The following ALDH3A2 variants were observed in gnomAD, a reference collection of about 807,000 sequenced individuals.
The protein encoded by ALDH3A2 is aldehyde dehydrogenase family 3 member A2.
ALDH3A2 carries 36 observed loss-of-function variants against 51.3 expected under a neutral mutation model. That is an observed-to-expected ratio of 0.70 (90% CI 0.54 to 0.93). The LOEUF (loss-of-function observed/expected upper bound fraction) is 0.93. Among genes scored for constraint, ALDH3A2 ranks in the 40% least tolerant of loss-of-function variants. ALDH3A2 has a pLI of 0.00. For synonymous variants in ALDH3A2, 199 were observed against 219.8 expected (o/e 0.91, Z 0.84); for missense variants, 552 against 603.1 (o/e 0.92, Z 0.89).
rs143717984 is a variant in ALDH3A2, at chr17:19,663,370, G to A, written c.978G>A (p.Lys326=). The A allele has an allele frequency of 2.5e-6, 4 of 1,614,006 alleles. No homozygotes were observed. The highest frequency in any genetic ancestry group is 1.3e-5 in the African/African-American group (1 of 74,914). The change falls in exon 7 of 10, where the codon AAG becomes AAA. Residue 326 remains lysine, a synonymous_variant. Coordinates refer to ENST00000176643, the MANE Select transcript of ALDH3A2 (RefSeq NM_000382.3). ...TVLTDVDPKT[K]VMQEEIFGPI... ...TTACCGATGTTGATCCTAAAACCAAGGTGATGCAAGAAGAAATTTTTGGAC... is the reference window on the plus strand; with the variant it reads ...TTACCGATGTTGATCCTAAAACCAAAGTGATGCAAGAAGAAATTTTTGGAC...
At chr17:19,656,612 C>A in intron 4 of ALDH3A2, 38 bp downstream of exon 4, 1 of 1,547,520 alleles carries the variant, frequency 6.5e-7, no homozygotes, top group Non-Finnish European at 8.8e-7. Flanking sequence ...GTTTTCCCAG[C>A]ACAATGGAGA....
intron 1 of ALDH3A2, among the ~76,000 whole-genome samples, chr17:19,650,733 G>A (rs780999416): frequency 1.3e-4 from 20 of 152,128 alleles, no homozygotes; most frequent in Non-Finnish European, 2.8e-4. Context: ...GATTATAGAC[G>A]TGAGCCACCG....
intron 8 of ALDH3A2, among the ~76,000 whole-genome samples, chr17:19,665,411 T>TG (rs1229698148): frequency 1.4e-5 from 2 of 144,280 alleles, no homozygotes; most frequent in South Asian, 4.3e-4. Context: ...GTGTGTGTGG[T>TG]GTGTGTGTTT....
Position 19,668,581 on chromosome 17 carries a change from G to A in ALDH3A2, c.1208-3140G>A, listed in dbSNP as rs192511973. 5.3e-5 allele frequency among the ~76,000 whole-genome samples: 8 copies of A among 151,176 alleles called. No homozygotes were observed. The East Asian group carries it at 1.6e-3, about 30-fold the overall frequency. On this transcript the variant is annotated intron_variant, in intron 8 of 9. Coordinates refer to ENST00000176643, the MANE Select transcript of ALDH3A2 (RefSeq NM_000382.3). Reference sequence around the variant, plus strand: ...TGTGGCTTTTTGTTTTTTGGTTTCCGATTTGGAAAGTAGGCTTAGAAAAGC... The same window carrying A: ...TGTGGCTTTTTGTTTTTTGGTTTCCAATTTGGAAAGTAGGCTTAGAAAAGC...
chr17:19,661,588 A>G, intron 6 of ALDH3A2: 2 of 330,242 alleles, frequency 6.1e-6, no homozygotes, highest in Middle Eastern at 9.8e-4. Context: ...AAAACAGCAC[A>G]AAGAAGGAAA....
intron 8 of ALDH3A2, among the ~76,000 whole-genome samples, chr17:19,668,605 GCT>G (rs2085070702): frequency 1.3e-5 from 2 of 149,502 alleles, no homozygotes; most frequent in Non-Finnish European, 3.0e-5. Flanking sequence ...GCTTAGAAAA[GCT>G]TTCCCTATTT....
intron 8 of ALDH3A2, among the ~76,000 whole-genome samples, chr17:19,667,432 G>A (rs1249384773): frequency 6.6e-6 from 1 of 151,806 alleles, no homozygotes; most frequent in Non-Finnish European, 1.5e-5. Context: ...CTGTTAAAAG[G>A]GCTTATACAA....
upstream of ALDH3A2, chr17:19,648,507 C>G (rs956876370): frequency 6.3e-6 from 1 of 158,068 alleles, no homozygotes; most frequent in East Asian, 1.9e-4. Context: ...GATTCCTCTT[C>G]GCCCTTTCTG....
chr17:19,662,765 G>A (rs1203109064), intron 6 of ALDH3A2, among the ~76,000 whole-genome samples: 1 of 152,216 alleles, frequency 6.6e-6, no homozygotes, highest in African/African-American at 2.4e-5. Flanking sequence ...TTGATTCACA[G>A]AGGAGCTGTC....
intron 3 of ALDH3A2, among the ~76,000 whole-genome samples, chr17:19,653,317 TTACAGGTGTGAGCCACC>T (rs1279099850): frequency 6.6e-6 from 1 of 152,236 alleles, no homozygotes; most frequent in East Asian, 1.9e-4. Context: ...AGTGCTGGGA[TTACAGGTGTGAGCCACC>T]ATGCCCATGT....
Position 19,654,646 on chromosome 17 carries a change from C to T in ALDH3A2, c.472-1720C>T, listed in dbSNP as rs75103987. On this transcript the variant is annotated intron_variant, in intron 3 of 9. Coordinates refer to ENST00000176643, the MANE Select transcript of ALDH3A2 (RefSeq NM_000382.3). The surrounding 1 kb of genome is among the most constrained non-coding windows in gnomAD (Gnocchi z 4.5). Reference sequence around the variant, plus strand: ...ATTGAGCCTGCGCCCACCCAGAACTCGCTCTGGCTTGTGAGCGCCACGCGC... The same window carrying T: ...ATTGAGCCTGCGCCCACCCAGAACTTGCTCTGGCTTGTGAGCGCCACGCGC... 0.022 allele frequency among the ~76,000 whole-genome samples: 3,414 copies of T among 152,236 alleles called. 68 individuals carry two copies. Among genetic ancestry groups the T allele is most frequent in the African/African-American group, 0.051 (2,109 of 41,552 alleles).
intron 1 of ALDH3A2, 57 bp downstream of exon 1, chr17:19,649,181 C>G: frequency 6.6e-7 from 1 of 1,526,618 alleles, no homozygotes; most frequent in Non-Finnish European, 8.9e-7. Context: ...CACTTGTGGA[C>G]TGGAGCTTCG....
At chr17:19,650,546 C>T (rs956750809) in intron 1 of ALDH3A2, among the ~76,000 whole-genome samples, 6 of 152,042 alleles carry the variant, frequency 3.9e-5, no homozygotes, top group African/African-American at 9.6e-5. Context: ...CTCCACCTCC[C>T]GGGTTCACAC....
At chr17:19,674,059 C>CT (rs2085156524) in intron 9 of ALDH3A2, 1 of 152,144 alleles carries the variant, frequency 6.6e-6, no homozygotes, top group South Asian at 2.1e-4. Flanking sequence ...TTTTAAATCA[C>CT]TAAGTAGTTT....
intron 6 of ALDH3A2, 68 bp downstream of exon 6, chr17:19,661,336 A>G: frequency 6.5e-6 from 10 of 1,546,780 alleles, no homozygotes; most frequent in Non-Finnish European, 8.9e-6. Flanking sequence ...ACTACTTATT[A>G]ACACTAGATA....
chr17:19,673,300 A>G lies in ALDH3A2; in HGVS notation c.1443+1344A>G, dbSNP rs756994193. 5 of 1,611,458 alleles carry G rather than the reference A, an allele frequency of 3.1e-6. No homozygotes were observed. The African/African-American group carries it at 4.0e-5, about 13-fold the overall frequency. ...GGTAGGAACTTTTTGTTTTCTTTCT[A>G]TATGTAAGGTGGGCCAAGTTGGGGT... On this transcript the variant is annotated intron_variant, in intron 9 of 9. Transcript: ENST00000176643.
At chr17:19,660,459 A>G (rs1444559257) in intron 5 of ALDH3A2, among the ~76,000 whole-genome samples, 3 of 152,142 alleles carry the variant, frequency 2.0e-5, no homozygotes, top group Non-Finnish European at 2.9e-5. Context: ...AACTCTCACA[A>G]GGCTTTGAAG....
chr17:19,657,296 G>A (rs1372799081), intron 4 of ALDH3A2, among the ~76,000 whole-genome samples: 1 of 152,248 alleles, frequency 6.6e-6, no homozygotes, highest in African/African-American at 2.4e-5. Context: ...TCCACAAAGA[G>A]GAGGATGGCC....
In ALDH3A2 at chr17:19,648,799, A is replaced by C; in HGVS notation, c.-173A>C. 1 of 853,228 alleles carries C rather than the reference A, an allele frequency of 1.2e-6. No homozygotes were observed. Among genetic ancestry groups the C allele is most frequent in the African/African-American group, 1.7e-5 (1 of 59,656 alleles). The allele number at this position is 853,228 out of a possible 1,614,324, so 52.9% of individuals were successfully genotyped here. A position where few individuals can be genotyped will look rare whatever the true frequency, so the allele number is the denominator to read the frequency against. ...TGGCAGTGGGACTCAGCGGGCGTGG[A>C]GGTCGCGGCTGAGCGAGCGAGCCCT... On this transcript the variant is annotated 5_prime_UTR_variant, in exon 1 of 10. Transcript: ENST00000176643.
Sources: allele counts gnomAD v4.1 joint callset (sites outside exome capture counted in the v4.1 genomes callset), GRCh38; gene constraint gnomAD v4.1.1; non-coding constraint Gnocchi (gnomAD v3.1); transcripts MANE v1.5; gene names NCBI Gene and HGNC (gene_info 2026-07-23, HGNC 2026-07-21).